Variants in FAM78B observed in about 807,000 individuals in gnomAD.
The protein encoded by FAM78B is protein FAM78B.
Under a neutral mutation model 20.0 loss-of-function variants are expected in FAM78B, and 10 were observed. The observed-to-expected ratio is 0.50, with a 90% CI of 0.31 to 0.85. The LOEUF is 0.85. FAM78B is among the 40% of genes least tolerant of loss of function. The pLI, the probability that FAM78B is intolerant of heterozygous loss-of-function variation, is 0.05. For missense variants in FAM78B, 283 were observed against 345.0 expected (o/e 0.82, Z 1.42); for synonymous variants, 135 against 132.8 (o/e 1.02, Z -0.12).
At chr1:166,065,291 T>A (rs180800739), downstream of FAM78B, among the ~76,000 whole-genome samples, 10 of 152,218 alleles carry the variant, frequency 6.6e-5, no homozygotes, top group African/African-American at 2.2e-4. Flanking sequence ...TAGTGTGACC[T>A]TGGACAAGTC....
downstream of FAM78B, among the ~76,000 whole-genome samples, chr1:166,065,240 T>G (rs961565133): frequency 6.6e-6 from 1 of 152,182 alleles, no homozygotes; most frequent in African/African-American, 2.4e-5. Flanking sequence ...GGTAAAAATA[T>G]CTGTGTGCAG....
intron 1 of FAM78B, among the ~76,000 whole-genome samples, chr1:166,120,228 C>T (rs754275475): frequency 3.9e-5 from 6 of 152,178 alleles, no homozygotes; most frequent in Non-Finnish European, 8.8e-5. Context: ...GCATTATTTT[C>T]CTCATTTTAT....
chr1:166,136,013 T>C (rs1655050259), intron 1 of FAM78B, among the ~76,000 whole-genome samples: 2 of 152,216 alleles, frequency 1.3e-5, no homozygotes, highest in Admixed American at 1.3e-4. Flanking sequence ...ATTCTCAACA[T>C]GAAGCAGAAG....
intron 1 of FAM78B, among the ~76,000 whole-genome samples, chr1:166,117,190 A>C (rs1161524121): frequency 1.3e-5 from 2 of 152,140 alleles, no homozygotes; most frequent in Admixed American, 1.3e-4. Context: ...GATCTCCCTG[A>C]GTAGAATTCT....
chr1:166,106,989 T>G (rs1653812875), intron 1 of FAM78B, among the ~76,000 whole-genome samples: 1 of 151,780 alleles, frequency 6.6e-6, no homozygotes, highest in African/African-American at 2.4e-5. Flanking sequence ...ATCTCTGGGA[T>G]ACAACAAAGA....
intron 1 of FAM78B, among the ~76,000 whole-genome samples, chr1:166,149,963 A>G (rs1159280947): frequency 6.6e-6 from 1 of 152,144 alleles, no homozygotes; most frequent in African/African-American, 2.4e-5. Flanking sequence ...GAAGAAAGCA[A>G]CAAGCTTCCT....
chr1:166,086,424 G>A (rs190887126), intron 1 of FAM78B, among the ~76,000 whole-genome samples: 1 of 152,258 alleles, frequency 6.6e-6, no homozygotes, highest in South Asian at 2.1e-4. Flanking sequence ...GCAGGGTAAG[G>A]GTGGGAAGAT....
At chr1:166,097,866 C>T (rs753907102) in intron 1 of FAM78B, among the ~76,000 whole-genome samples, 5 of 152,108 alleles carry the variant, frequency 3.3e-5, no homozygotes, top group Non-Finnish European at 7.4e-5. Flanking sequence ...CCAGTTCCTC[C>T]CCATAATACC....
chr1:166,137,819 T>C (rs1655123865), intron 1 of FAM78B, among the ~76,000 whole-genome samples: 1 of 152,218 alleles, frequency 6.6e-6, no homozygotes, highest in Admixed American at 6.5e-5. Flanking sequence ...CTGGGCTCTA[T>C]CTAGACTCTG....
chr1:166,134,010 C>T (rs981593652), intron 1 of FAM78B, among the ~76,000 whole-genome samples: 4 of 152,198 alleles, frequency 2.6e-5, no homozygotes, highest in African/African-American at 9.7e-5. Context: ...GAGCCCAGAC[C>T]TGCCTAACTC....
intron 1 of FAM78B, among the ~76,000 whole-genome samples, chr1:166,106,281 G>A (rs1377220667): frequency 5.3e-5 from 8 of 151,024 alleles, no homozygotes; most frequent in East Asian, 2.0e-4. Flanking sequence ...GGTGCAGCAC[G>A]CCAACATGGC....
rs748492887 is a variant in FAM78B, at chr1:166,070,697, C to T, written c.330G>A (p.Val110=). 3.7e-6 allele frequency: 6 copies of T among 1,611,452 alleles called. No homozygotes were observed. The Admixed American group carries it at 1.0e-4, about 27-fold the overall frequency. The change falls in exon 2 of 2, where the codon GTG becomes GTA. Residue 110 remains valine, a synonymous_variant. Coordinates refer to ENST00000354422, the MANE Select transcript of FAM78B (RefSeq NM_001017961.5). ...RVKAISDSDG[V]SYPWYGNTTE... ...TGGTGTTCCCGTACCAAGGGTAGCT[C>T]ACCCCATCTGAGTCACTGATGGCTT...
chr1:166,129,942 C>T lies in FAM78B; in HGVS notation c.263+36044G>A, dbSNP rs79472445. ...AGCCTCCGTAGACTGATCACAAGGT[C>T]TTATCTCTTGCTACCTTCTCATCTA... On this transcript the variant is annotated intron_variant, in intron 1 of 1. Coordinates refer to ENST00000354422, the MANE Select transcript of FAM78B (RefSeq NM_001017961.5). Among the ~76,000 whole-genome samples, 862 of 152,306 alleles carry T rather than the reference C, an allele frequency of 5.7e-3. 7 individuals are homozygous for T. Among genetic ancestry groups the T allele is most frequent in the African/African-American group, 0.019 (805 of 41,564 alleles).
chr1:166,139,973 G>C (rs1195481967), intron 1 of FAM78B, among the ~76,000 whole-genome samples: 1 of 152,206 alleles, frequency 6.6e-6, no homozygotes, highest in Non-Finnish European at 1.5e-5. Context: ...CTTGGAGGAA[G>C]GATGTGACAA....
chr1:166,094,968 G>A (rs974893095), intron 1 of FAM78B, among the ~76,000 whole-genome samples: 4 of 152,166 alleles, frequency 2.6e-5, no homozygotes, highest in Admixed American at 1.3e-4. Flanking sequence ...AAGAAAATAA[G>A]TTTAGGGAGC....
chr1:166,097,459 G>A (rs976256218), intron 1 of FAM78B, among the ~76,000 whole-genome samples: 1 of 152,222 alleles, frequency 6.6e-6, no homozygotes, highest in Non-Finnish European at 1.5e-5. Flanking sequence ...AGATAGCCAG[G>A]GGCAGGTTTT....
chr1:166,100,558 C>A (rs552018248), intron 1 of FAM78B, among the ~76,000 whole-genome samples: 15 of 152,348 alleles, frequency 9.8e-5, no homozygotes, highest in African/African-American at 3.6e-4. Flanking sequence ...CCATGCATGG[C>A]TCAGAGGGCC....
At chr1:166,122,126 C>G (rs1377822700) in intron 1 of FAM78B, among the ~76,000 whole-genome samples, 2 of 152,188 alleles carry the variant, frequency 1.3e-5, no homozygotes, top group Non-Finnish European at 2.9e-5. Flanking sequence ...GGAAGTGAGT[C>G]AGGAGATGGC....
At chr1:166,095,299 CA>C (rs1653235530) in intron 1 of FAM78B, among the ~76,000 whole-genome samples, 1 of 151,410 alleles carries the variant, frequency 6.6e-6, no homozygotes, top group Non-Finnish European at 1.5e-5. Context: ...AGCCGGAGTG[CA>C]GGTGGCAGCA....
Sources: gnomAD v4.1 joint callset for allele counts (sites outside exome capture counted in the v4.1 genomes callset) on GRCh38, gnomAD v4.1.1 for gene constraint, MANE v1.5 for transcripts, NCBI Gene and HGNC (gene_info 2026-07-23, HGNC 2026-07-21) for gene names.